Variants in USH2A observed in about 807,000 individuals in gnomAD.
USH2A encodes the protein Usher syndrome 2A (autosomal recessive, mild).
USH2A carries 443 observed loss-of-function variants against 538.9 expected under a neutral mutation model. That is an observed-to-expected ratio of 0.82 (90% CI 0.76 to 0.89). The LOEUF is 0.89. USH2A is among the 40% of genes least tolerant of loss of function. The pLI, the probability that USH2A is intolerant of heterozygous loss-of-function variation, is 0.00. For missense variants in USH2A, 6,633 were observed against 6,324.8 expected, an observed-to-expected ratio of 1.05 and a Z score of -1.65; for synonymous variants, 2,413 against 2,273.5, an observed-to-expected ratio of 1.06 and a Z score of -1.75.
chr1:215,912,381 T>G (rs940799041), intron 38 of USH2A, among the ~76,000 whole-genome samples: 7 of 151,016 alleles, frequency 4.6e-5, no homozygotes, highest in Non-Finnish European at 8.9e-5. Flanking sequence ...TTGTACATGG[T>G]GAGAGATAGG....
At chr1:215,729,009 T>G (rs1255398715) in intron 60 of USH2A, among the ~76,000 whole-genome samples, 2 of 152,190 alleles carry the variant, frequency 1.3e-5, no homozygotes, top group Non-Finnish European at 2.9e-5. Context: ...CCCAATGTGT[T>G]TGTCTTCCTG....
At chr1:216,271,393 G>A (rs189352519) in intron 11 of USH2A, among the ~76,000 whole-genome samples, 254 of 152,122 alleles carry the variant, frequency 1.7e-3, no homozygotes, top group Middle Eastern at 6.8e-3. Flanking sequence ...GTGTGAGGAG[G>A]GGATTGTATG....
chr1:215,654,262 C>G (rs867954704), intron 64 of USH2A, among the ~76,000 whole-genome samples: 19 of 152,076 alleles, frequency 1.2e-4, no homozygotes, highest in African/African-American at 4.3e-4. Context: ...TGTTGGTTTG[C>G]TGCACCCATG....
intron 26 of USH2A, among the ~76,000 whole-genome samples, chr1:216,082,085 C>T (rs1438761648): frequency 1.3e-5 from 2 of 152,152 alleles, no homozygotes; most frequent in African/African-American, 2.4e-5. Flanking sequence ...TTGTATCCTC[C>T]ACAGTGTATG....
At chr1:215,644,252 G>A (rs983762726) in intron 67 of USH2A, among the ~76,000 whole-genome samples, 1 of 152,222 alleles carries the variant, frequency 6.6e-6, no homozygotes, top group African/African-American at 2.4e-5. Context: ...ATAGCTTGAA[G>A]GGGAAAGTTG....
intron 67 of USH2A, 69 bp from the exon 68 acceptor site, chr1:215,640,803 A>G: frequency 6.6e-7 from 1 of 1,522,102 alleles, no homozygotes; most frequent in Non-Finnish European, 9.0e-7. Context: ...TGCACTTTAA[A>G]AAAAAAAAAT....
intron 55 of USH2A, among the ~76,000 whole-genome samples, chr1:215,770,550 CTA>C (rs765681463): frequency 2.6e-5 from 4 of 152,026 alleles, no homozygotes; most frequent in Non-Finnish European, 5.9e-5. Context: ...TCATTGGACT[CTA>C]TACATTATCT....
chr1:216,336,690 CG>C (rs2037981663), intron 4 of USH2A, among the ~76,000 whole-genome samples: 1 of 151,336 alleles, frequency 6.6e-6, no homozygotes, highest in South Asian at 2.1e-4. Flanking sequence ...TTTCCAAGAA[CG>C]GTCCTGGAAT....
chr1:215,817,056 C>T lies in USH2A; in HGVS notation c.9511G>A (p.Val3171Met). ...QDQSDELCKAVRCQKPESICG... is the reference protein window; with the variant it reads ...QDQSDELCKAMRCQKPESICG... Reference sequence around the variant, plus strand: ...ATAGATTCAGGTTTTTGACACCTCACTGCCTTGCAGAGCTCATCACTCTGA... The same window carrying T: ...ATAGATTCAGGTTTTTGACACCTCATTGCCTTGCAGAGCTCATCACTCTGA... The change falls in exon 48 of 72, where the codon GTG becomes ATG. Residue 3171 changes from valine (V) to methionine (M), a missense_variant. Val to Met is a conservative substitution (Grantham distance 21, BLOSUM62 1). Coordinates refer to ENST00000307340, the MANE Select transcript of USH2A (RefSeq NM_206933.4). 6.2e-7 allele frequency: 1 copy of T among 1,612,774 alleles called. No homozygotes were observed. Among genetic ancestry groups the T allele is most frequent in the Admixed American group, 1.7e-5 (1 of 59,924 alleles).
chr1:215,902,141 A>G (rs999210760), intron 38 of USH2A, among the ~76,000 whole-genome samples: 1 of 152,162 alleles, frequency 6.6e-6, no homozygotes, highest in Admixed American at 6.6e-5. Flanking sequence ...GTTCCTAATG[A>G]CCACAAATTA....
chr1:216,233,923 C>A (rs1205244918), intron 13 of USH2A, among the ~76,000 whole-genome samples: 1 of 152,088 alleles, frequency 6.6e-6, no homozygotes, highest in African/African-American at 2.4e-5. Flanking sequence ...GGTACACACA[C>A]AAGCCCGTGC....
At chr1:216,385,100 G>A (rs1349764321) in intron 3 of USH2A, among the ~76,000 whole-genome samples, 1 of 152,106 alleles carries the variant, frequency 6.6e-6, no homozygotes, top group Non-Finnish European at 1.5e-5. Flanking sequence ...TGCAAAAATT[G>A]ATGCAAAAAT....
rs766881630 is a variant in USH2A, at chr1:215,982,859, GGATA to G, written c.6805+10157_6805+10160del. 2.6e-5 allele frequency among the ~76,000 whole-genome samples: 4 copies of G among 152,294 alleles called. No individual in the cohort carries two copies. In the South Asian group the frequency reaches 8.3e-4, roughly 32 times the overall value. On this transcript the variant is annotated intron_variant, in intron 35 of 71. Transcript: ENST00000307340. ...ATCAGATGGATAGAAGGAAAACATG[GGATA>G]GAGAAGGGAGAGGTGGATGCTAACC...
intron 9 of USH2A, among the ~76,000 whole-genome samples, chr1:216,296,050 T>C (rs1376712125): frequency 6.6e-6 from 1 of 152,056 alleles, no homozygotes; most frequent in African/African-American, 2.4e-5. Context: ...AATGTAGTTG[T>C]CCAGTGTGTT....
chr1:215,718,639 G>A (rs79731608), intron 61 of USH2A, among the ~76,000 whole-genome samples: 1 of 152,010 alleles, frequency 6.6e-6, no homozygotes. Flanking sequence ...CACTTTTATC[G>A]GCTGTGAACC....
intron 3 of USH2A, among the ~76,000 whole-genome samples, chr1:216,376,722 T>A (rs904990344): frequency 6.6e-6 from 1 of 152,168 alleles, no homozygotes; most frequent in African/African-American, 2.4e-5. Context: ...GTGAACTCAC[T>A]GCTGACCCCA....
intron 70 of USH2A, chr1:215,630,076 C>T (rs995348096): frequency 3.9e-6 from 2 of 513,250 alleles, no homozygotes; most frequent in Non-Finnish European, 7.8e-6. Context: ...TCATGTTGTT[C>T]AGCTTTCCAA....
chr1:216,392,233 T>C (rs1571773458), intron 3 of USH2A, among the ~76,000 whole-genome samples: 1 of 152,200 alleles, frequency 6.6e-6, no homozygotes, highest in South Asian at 2.1e-4. Context: ...GTGTGGTGGC[T>C]CACACCTGTA....
intron 37 of USH2A, among the ~76,000 whole-genome samples, chr1:215,957,907 T>G (rs1319038917): frequency 2.0e-5 from 3 of 152,122 alleles, no homozygotes; most frequent in African/African-American, 7.2e-5. Flanking sequence ...ATTCCCCCAC[T>G]GGCGGGTTTT....
Sources: gnomAD v4.1 joint callset for allele counts (sites outside exome capture counted in the v4.1 genomes callset) on GRCh38, gnomAD v4.1.1 for gene constraint, MANE v1.5 for transcripts, NCBI Gene and HGNC (gene_info 2026-07-23, HGNC 2026-07-21) for gene names.